The following SHANK2 variants were observed in gnomAD, a reference collection of about 807,000 sequenced individuals.
SHANK2 encodes SH3 and multiple ankyrin repeat domains 2.
In SHANK2, 43 loss-of-function variants were observed where a neutral mutation model predicts 133.7. The ratio of observed to expected loss-of-function variants is 0.32; its 90% confidence interval spans 0.25 to 0.41. The LOEUF is 0.41. Among genes scored for constraint, SHANK2 ranks in the 10% least tolerant of loss-of-function variants. The pLI is 1.00. For missense variants in SHANK2, 1,994 were observed against 2,235.8 expected, an observed-to-expected ratio of 0.89 and a Z score of 2.18; for synonymous variants, 1,017 against 952.8, an observed-to-expected ratio of 1.07 and a Z score of -1.24.
At position 70,830,587 on chromosome 11, in the gene SHANK2, A is replaced by G. The variant is rs1948712379; in HGVS notation, c.1175-9905T>C. Among the ~76,000 whole-genome samples, 1 of 152,236 alleles carries G rather than the reference A, an allele frequency of 6.6e-6. No homozygotes were observed. The highest frequency in any genetic ancestry group is 2.4e-5 in the African/African-American group (1 of 41,452). On this transcript the variant is annotated intron_variant, in intron 11 of 25. Transcript: ENST00000601538. This position sits in a 1 kb window ranked among gnomAD's most constrained non-coding sequence, Gnocchi z 4.4. ...CCGGGAATTCGCTAGCGCCCTTCCC[A>G]TCTCTAAAACAAGTATTCCGAGGAT...
At chr11:70,761,062 C>A (rs1026465472) in intron 14 of SHANK2, among the ~76,000 whole-genome samples, 16 of 152,096 alleles carry the variant, frequency 1.1e-4, no homozygotes, top group African/African-American at 3.4e-4. Flanking sequence ...AGCGTGGGAC[C>A]CTCCTCTATC....
At chr11:71,210,891 G>A (rs1045246992) in intron 2 of SHANK2, among the ~76,000 whole-genome samples, 8 of 152,172 alleles carry the variant, frequency 5.3e-5, no homozygotes, top group Admixed American at 2.0e-4. Flanking sequence ...ATGCAGCGCC[G>A]GCACTCCCCT....
chr11:70,632,472 T>A (rs505747), intron 17 of SHANK2, among the ~76,000 whole-genome samples: 1 of 152,116 alleles, frequency 6.6e-6, no homozygotes, highest in African/African-American at 2.4e-5. Flanking sequence ...GTGAAGGCAG[T>A]CTGGGAAACA....
chr11:71,082,389 G>A (rs1202071482), intron 8 of SHANK2, among the ~76,000 whole-genome samples: 3 of 152,264 alleles, frequency 2.0e-5, no homozygotes, highest in African/African-American at 7.2e-5. Flanking sequence ...TAGATGGACA[G>A]TGATCGCCTC....
chr11:70,802,374 G>A lies in SHANK2; in HGVS notation c.1664-3818C>T, dbSNP rs146785060. 1.4e-4 allele frequency among the ~76,000 whole-genome samples: 22 copies of A among 152,280 alleles called. No individual in the cohort carries two copies. The East Asian group carries it at 2.7e-3, about 19-fold the overall frequency. On this transcript the variant is annotated intron_variant, in intron 13 of 25. Transcript: ENST00000601538. ...CAGCTCTCTTGCAAACTGGAAAGCA[G>A]CGGTGATTCCCTGTACTGGATGGGT...
intron 11 of SHANK2, among the ~76,000 whole-genome samples, chr11:70,889,854 G>A (rs1007894899): frequency 6.6e-6 from 1 of 152,186 alleles, no homozygotes. Flanking sequence ...AAGGCTCCTG[G>A]GAATGGAGGA....
At chr11:70,929,603 C>T (rs1375348190) in intron 10 of SHANK2, among the ~76,000 whole-genome samples, 1 of 152,210 alleles carries the variant, frequency 6.6e-6, no homozygotes, top group Non-Finnish European at 1.5e-5. Context: ...TCTCCGACCT[C>T]CGTGCCTGTT....
At chr11:71,081,998 A>C (rs1951307075) in intron 8 of SHANK2, among the ~76,000 whole-genome samples, 1 of 152,142 alleles carries the variant, frequency 6.6e-6, no homozygotes, top group Non-Finnish European at 1.5e-5. Flanking sequence ...CACGTCCCAC[A>C]GTGAGGCTCG....
chr11:71,153,097 G>T (rs76952674), intron 2 of SHANK2, among the ~76,000 whole-genome samples: 2 of 152,284 alleles, frequency 1.3e-5, no homozygotes, highest in African/African-American at 2.4e-5. Context: ...GGAGAGCCAG[G>T]GGGGCTGGGC....
chr11:71,205,231 G>C (rs1383240868), intron 2 of SHANK2, among the ~76,000 whole-genome samples: 5 of 152,192 alleles, frequency 3.3e-5, no homozygotes, highest in African/African-American at 1.2e-4. Flanking sequence ...CATCCTGTGG[G>C]GTAGCCCCTT....
intron 17 of SHANK2, among the ~76,000 whole-genome samples, chr11:70,555,087 T>C (rs760052910): frequency 1.5e-4 from 23 of 152,082 alleles, no homozygotes; most frequent in Non-Finnish European, 3.4e-4. Context: ...GATGCTACTA[T>C]TGGATTTTTT....
At chr11:70,865,873 A>G (rs554347313) in intron 11 of SHANK2, among the ~76,000 whole-genome samples, 10 of 152,256 alleles carry the variant, frequency 6.6e-5, no homozygotes, top group Non-Finnish European at 1.3e-4. Flanking sequence ...GCTCTACCCA[A>G]GCATCAAGGA....
chr11:70,880,286 C>G (rs1381959215), intron 11 of SHANK2, among the ~76,000 whole-genome samples: 1 of 152,142 alleles, frequency 6.6e-6, no homozygotes, highest in East Asian at 1.9e-4. Flanking sequence ...GTGCACTAAT[C>G]GGGCATCCTG....
At chr11:71,090,172 C>G (rs888090566) in intron 8 of SHANK2, among the ~76,000 whole-genome samples, 11 of 87,282 alleles carry the variant, frequency 1.3e-4, no homozygotes, top group Admixed American at 3.5e-4. Context: ...GAAACACAAC[C>G]TGTGTGTGTG....
At chr11:70,494,987 C>T (rs745831366) in intron 21 of SHANK2, among the ~76,000 whole-genome samples, 13 of 152,224 alleles carry the variant, frequency 8.5e-5, no homozygotes, top group Non-Finnish European at 1.5e-4. Flanking sequence ...GTCATTCCCC[C>T]AGTGGATGCT....
At chr11:70,699,332 A>G (rs1177329177) in intron 14 of SHANK2, among the ~76,000 whole-genome samples, 1 of 152,084 alleles carries the variant, frequency 6.6e-6, no homozygotes. Context: ...AGATTGAGAC[A>G]TAAATTTCAT....
rs2059031747 is a variant in SHANK2 at position 70,500,367 on chromosome 11, G to A, written c.2308+203C>T. On this transcript the variant is annotated intron_variant, in intron 21 of 25. Coordinates refer to ENST00000601538, the MANE Select transcript of SHANK2 (RefSeq NM_012309.5). This position sits in a 1 kb window ranked among gnomAD's most constrained non-coding sequence, Gnocchi z 4.5. ...TCAGGGAAGAAACACAGGACACGCT[G>A]GGGAATCACAGACAGAAGCCAAGCA... Among the ~76,000 whole-genome samples, 1 of 152,022 alleles carries A rather than the reference G, an allele frequency of 6.6e-6. No individual in the cohort carries two copies. The highest frequency in any genetic ancestry group is 2.1e-4 in the South Asian group (1 of 4,822).
intron 17 of SHANK2, among the ~76,000 whole-genome samples, chr11:70,580,281 G>A (rs1554985122): frequency 6.9e-6 from 1 of 145,082 alleles, no homozygotes; most frequent in East Asian, 2.0e-4. Context: ...CAGCCTTACT[G>A]GCTACATTTT....
intron 3 of SHANK2, among the ~76,000 whole-genome samples, chr11:71,146,140 A>G (rs112805783): frequency 4.5e-4 from 69 of 152,244 alleles, no homozygotes; most frequent in African/African-American, 1.4e-3. Flanking sequence ...CAACCCTACT[A>G]GGCGCCTGTT....
Sources: gnomAD v4.1 joint callset for allele counts (sites outside exome capture counted in the v4.1 genomes callset) on GRCh38, gnomAD v4.1.1 for gene constraint, Gnocchi (gnomAD v3.1) non-coding constraint, MANE v1.5 for transcripts, NCBI Gene and HGNC (gene_info 2026-07-23, HGNC 2026-07-21) for gene names.